SHISA6: variants seen among roughly 807,000 people sequenced by gnomAD.
SHISA6 encodes the protein protein shisa-6.
A neutral mutation model predicts 47.9 loss-of-function variants in SHISA6; 22 were observed. The observed-to-expected ratio is 0.46, with a 90% CI of 0.33 to 0.66. SHISA6 has a LOEUF of 0.66. Among genes scored for constraint, SHISA6 ranks in the 30% least tolerant of loss-of-function variants. SHISA6 has a pLI of 0.02. For missense variants in SHISA6, 680 were observed against 764.6 expected, an observed-to-expected ratio of 0.89 and a Z score of 1.30; for synonymous variants, 388 against 337.8, an observed-to-expected ratio of 1.15 and a Z score of -1.63.
intron 2 of SHISA6, among the ~76,000 whole-genome samples, chr17:11,323,579 G>A (rs1451190490): frequency 2.0e-5 from 3 of 151,898 alleles, no homozygotes; most frequent in Admixed American, 6.6e-5. Flanking sequence ...TCTTGAACCC[G>A]GGAGGCAGAG....
Position 11,314,036 on chromosome 17 carries a change from T to C in SHISA6, c.799+50510T>C, listed in dbSNP as rs28504566. 9.9e-3 allele frequency among the ~76,000 whole-genome samples: 1,504 copies of C among 152,318 alleles called. 25 individuals are homozygous for C. Among genetic ancestry groups the C allele is most frequent in the African/African-American group, 0.035 (1,438 of 41,574 alleles). ...AGAGACTGTGCTGTGATCATCCCAG[T>C]GAACAGCTCAGAGAGTCCCATTCAA... On this transcript the variant is annotated intron_variant, in intron 2 of 5. Transcript: ENST00000441885.
chr17:11,346,098 T>C (rs755833196), intron 2 of SHISA6, among the ~76,000 whole-genome samples: 5 of 152,174 alleles, frequency 3.3e-5, no homozygotes, highest in Admixed American at 3.3e-4. Context: ...TCATAGATGC[T>C]CTTTGCAAGA....
intron 3 of SHISA6, among the ~76,000 whole-genome samples, chr17:11,448,833 G>A (rs1181489240): frequency 6.6e-6 from 1 of 151,952 alleles, no homozygotes; most frequent in African/African-American, 2.4e-5. Flanking sequence ...TCTTGTCTGA[G>A]CAAAAAATCA....
Position 11,379,383 on chromosome 17 carries a change from C to T in SHISA6, c.800-31C>T, listed in dbSNP as rs538009017. 457 of 1,456,990 alleles carry T rather than the reference C, an allele frequency of 3.1e-4. 5 individuals are homozygous for T. In the South Asian group the frequency reaches 5.4e-3, roughly 17 times the overall value. 90.3% of individuals were successfully genotyped at this position (1,456,990 alleles called of 1,614,324 possible). A position where few individuals can be genotyped will look rare whatever the true frequency, so the allele number is the denominator to read the frequency against. ...GTCTTCCATGTTGGTGTCGTGGATG[C>T]GCCAGGTAATTCTGCCCCATCTTCT... is the stretch of plus-strand genomic sequence containing the variant. On this transcript the variant is annotated intron_variant, in intron 2 of 5. Coordinates refer to ENST00000441885, the MANE Select transcript of SHISA6 (RefSeq NM_207386.4).
chr17:11,326,754 C>T lies in SHISA6; in HGVS notation c.800-52660C>T, dbSNP rs772741296. On this transcript the variant is annotated intron_variant, in intron 2 of 5. Coordinates refer to ENST00000441885, the MANE Select transcript of SHISA6 (RefSeq NM_207386.4). The stretch of plus-strand genomic sequence containing the variant: ...GTCCTTGGAGGCATAGATTGAACCA[C>T]GAGTCAGTCCACTGATCCACTTAGG... Among the ~76,000 whole-genome samples, 5 of 152,206 alleles carry T rather than the reference C, an allele frequency of 3.3e-5. No homozygotes were observed. In the East Asian group the frequency reaches 9.6e-4, roughly 29 times the overall value.
At chr17:11,319,954 TA>T (rs1393611933) in intron 2 of SHISA6, among the ~76,000 whole-genome samples, 27 of 152,234 alleles carry the variant, frequency 1.8e-4, no homozygotes, top group Admixed American at 1.3e-4. Context: ...GGAAAAGTTC[TA>T]AAACGTTTGA....
chr17:11,325,359 A>G (rs754773747), intron 2 of SHISA6, among the ~76,000 whole-genome samples: 1 of 152,184 alleles, frequency 6.6e-6, no homozygotes, highest in African/African-American at 2.4e-5. Context: ...TTCCTAAGCA[A>G]ACTAGGTTAC....
intron 1 of SHISA6, among the ~76,000 whole-genome samples, chr17:11,247,224 C>G (rs1907625861): frequency 6.6e-6 from 1 of 152,210 alleles, no homozygotes; most frequent in African/African-American, 2.4e-5. Context: ...TTGAAAGAGG[C>G]TAATTCACTA....
At chr17:11,500,513 G>A (rs2071442454) in intron 3 of SHISA6, among the ~76,000 whole-genome samples, 1 of 152,166 alleles carries the variant, frequency 6.6e-6, no homozygotes, top group African/African-American at 2.4e-5. Context: ...GGAGTGAACT[G>A]ACTTGCTCAA....
At chr17:11,548,389 C>T (rs1172245944) in intron 3 of SHISA6, among the ~76,000 whole-genome samples, 1 of 151,772 alleles carries the variant, frequency 6.6e-6, no homozygotes, top group Non-Finnish European at 1.5e-5. Context: ...AATACAAAAG[C>T]TTGACAGGGT....
intron 3 of SHISA6, among the ~76,000 whole-genome samples, chr17:11,451,845 C>T (rs1258250195): frequency 6.6e-6 from 1 of 152,226 alleles, no homozygotes; most frequent in Non-Finnish European, 1.5e-5. Context: ...GATGTTCAAG[C>T]TTTAGGAACG....
intron 1 of SHISA6, among the ~76,000 whole-genome samples, chr17:11,245,552 C>G (rs904021303): frequency 3.3e-5 from 5 of 152,168 alleles, no homozygotes; most frequent in Non-Finnish European, 7.3e-5. Context: ...TTCCTCCTCA[C>G]CCTGAGTTGA....
At chr17:11,399,715 C>G (rs1913700421) in intron 3 of SHISA6, among the ~76,000 whole-genome samples, 1 of 152,216 alleles carries the variant, frequency 6.6e-6, no homozygotes. Context: ...AGGCACTGCG[C>G]CCAGCCCATT....
In SHISA6 at chr17:11,246,132, A is replaced by C. The variant is rs528034575; in HGVS notation, c.638+4072A>C. Among the ~76,000 whole-genome samples the C allele has an allele frequency of 1.4e-4, 22 of 152,352 alleles. No individual in the cohort carries two copies. The South Asian group carries it at 4.3e-3, about 30-fold the overall frequency. Reference sequence around the variant, plus strand: ...TTCAAATATAGAAGGAAAGAAACAAAAAAGCATCTTGCCTTGGACTGAAAG... The same window carrying C: ...TTCAAATATAGAAGGAAAGAAACAACAAAGCATCTTGCCTTGGACTGAAAG... On this transcript the variant is annotated intron_variant, in intron 1 of 5. Coordinates refer to ENST00000441885, the MANE Select transcript of SHISA6 (RefSeq NM_207386.4).
intron 2 of SHISA6, among the ~76,000 whole-genome samples, chr17:11,349,376 A>G (rs868664290): frequency 6.6e-6 from 1 of 152,186 alleles, no homozygotes; most frequent in Non-Finnish European, 1.5e-5. Context: ...CTCAGATTCT[A>G]TGATTTCAGA....
intron 2 of SHISA6, among the ~76,000 whole-genome samples, chr17:11,277,097 G>A (rs1252978031): frequency 6.6e-6 from 1 of 152,062 alleles, no homozygotes; most frequent in African/African-American, 2.4e-5. Context: ...TAGCTGAGAG[G>A]TCTTACCCAA....
chr17:11,307,150 TTTC>T (rs1261127041), intron 2 of SHISA6, among the ~76,000 whole-genome samples: 1 of 150,376 alleles, frequency 6.6e-6, no homozygotes, highest in Non-Finnish European at 1.5e-5. Flanking sequence ...TTTCTTTTTT[TTTC>T]TTTTTTTCTT....
Position 11,247,312 on chromosome 17 carries a change from G to A in SHISA6, c.638+5252G>A, listed in dbSNP as rs146484400. ...GAAGCTTCATGCTTCCAGTTCCATC[G>A]CCTGATTTTCCAGGGGCTGGCAGAT... is the stretch of plus-strand genomic sequence containing the variant. On this transcript the variant is annotated intron_variant, in intron 1 of 5. Coordinates refer to ENST00000441885, the MANE Select transcript of SHISA6 (RefSeq NM_207386.4). 6.3e-3 allele frequency among the ~76,000 whole-genome samples: 954 copies of A among 152,194 alleles called. 3 individuals carry two copies. Among genetic ancestry groups the A allele is most frequent in the Non-Finnish European group, 0.011 (756 of 68,006 alleles).
chr17:11,499,687 T>C (rs565963966), intron 3 of SHISA6, among the ~76,000 whole-genome samples: 21 of 146,382 alleles, frequency 1.4e-4, no homozygotes, highest in East Asian at 5.8e-4. Context: ...TTCTTTCTTT[T>C]TTTTTTTTTT....
Sources: allele counts gnomAD v4.1 joint callset (sites outside exome capture counted in the v4.1 genomes callset), GRCh38; gene constraint gnomAD v4.1.1; transcripts MANE v1.5; gene names NCBI Gene and HGNC (gene_info 2026-07-23, HGNC 2026-07-21).